The following SRP72 variants were observed in gnomAD, a reference collection of about 807,000 sequenced individuals.
SRP72 encodes the protein signal recognition particle subunit SRP72.
SRP72 carries 49 observed loss-of-function variants against 96.3 expected under a neutral mutation model. The observed-to-expected ratio is 0.51, with a 90% CI of 0.40 to 0.65. The LOEUF (loss-of-function observed/expected upper bound fraction) is 0.65. Among genes scored for constraint, SRP72 ranks in the 30% least tolerant of loss-of-function variants. The pLI is 0.00. For missense variants in SRP72, 736 were observed against 793.3 expected, an observed-to-expected ratio of 0.93 and a Z score of 0.87; for synonymous variants, 267 against 275.2, an observed-to-expected ratio of 0.97 and a Z score of 0.30.
At chr4:56,467,853 C>T in intron 1 of SRP72, 109 bp downstream of exon 1, 7 of 1,065,008 alleles carry the variant, frequency 6.6e-6, no homozygotes, top group Non-Finnish European at 7.6e-6. Context: ...GGGAGACCCC[C>T]GAAACCCCCC....
rs188401498 is a variant in SRP72, at chr4:56,482,305, A to T, written c.826-834A>T. ...AAATACAAAAAAAAAAAAATTAGCC[A>T]GGCATGGTGGCGGGCACCTGTAGTC... is the stretch of plus-strand genomic sequence containing the variant. On this transcript the variant is annotated intron_variant, in intron 8 of 18. Transcript: ENST00000642900. 4.0e-3 allele frequency among the ~76,000 whole-genome samples: 601 copies of T among 150,618 alleles called. 3 individuals carry two copies. Among genetic ancestry groups the T allele is most frequent in the African/African-American group, 0.014 (565 of 40,938 alleles).
intron 9 of SRP72, 63 bp downstream of exon 9, chr4:56,483,333 G>A: frequency 6.9e-7 from 1 of 1,445,220 alleles, no homozygotes; most frequent in South Asian, 1.3e-5. Context: ...AGGAGTAATA[G>A]GGATATTAGT....
In SRP72 at chr4:56,481,084, A is replaced by T. The variant is rs76406094; in HGVS notation, c.826-2055A>T. Among the ~76,000 whole-genome samples the T allele has an allele frequency of 6.5e-3, 987 of 152,348 alleles. 17 individuals are homozygous for T. Among genetic ancestry groups the T allele is most frequent in the African/African-American group, 0.023 (940 of 41,584 alleles). ...GGCAGTGACGTGCACAATTAATTGA[A>T]GTATTAAAATTGCGACATGAGAGAA... On this transcript the variant is annotated intron_variant, in intron 8 of 18. Transcript: ENST00000642900.
chr4:56,490,263 T>C (rs1720860744), intron 13 of SRP72, 70 bp from the exon 14 acceptor site: 1 of 1,214,784 alleles, frequency 8.2e-7, no homozygotes, highest in Admixed American at 2.1e-5. Context: ...AAAGGTCTAA[T>C]GAATATAACT....
intron 9 of SRP72, among the ~76,000 whole-genome samples, 171 bp downstream of exon 9, chr4:56,483,441 A>G (rs1420184599): frequency 3.9e-5 from 6 of 152,134 alleles, no homozygotes; most frequent in Admixed American, 3.9e-4. Context: ...GGCTGGGCAC[A>G]ATGGCTCATG....
rs116146146 is a variant in SRP72, at chr4:56,495,849, A to T, written c.1678+455A>T. 4.5e-3 allele frequency among the ~76,000 whole-genome samples: 679 copies of T among 152,348 alleles called. 7 individuals carry two copies. Among genetic ancestry groups the T allele is most frequent in the African/African-American group, 0.016 (653 of 41,582 alleles). ...GTTGGCAGTCTAGAGGAATGTTAGC[A>T]TCAAGGTTGGTTGACTCAGTATTTT... On this transcript the variant is annotated intron_variant, in intron 17 of 18. Coordinates refer to ENST00000642900, the MANE Select transcript of SRP72 (RefSeq NM_006947.4).
intron 16 of SRP72, 177 bp from the exon 17 acceptor site, chr4:56,495,180 G>T: frequency 2.5e-6 from 1 of 401,506 alleles, no homozygotes; most frequent in Non-Finnish European, 4.6e-6. Flanking sequence ...AGTATCTGAA[G>T]CTTAATTGAC....
At chr4:56,487,506 T>C (rs1720755229) in intron 11 of SRP72, among the ~76,000 whole-genome samples, 1 of 152,144 alleles carries the variant, frequency 6.6e-6, no homozygotes, top group Non-Finnish European at 1.5e-5. Context: ...GACTGGGAAT[T>C]TTGAGTTATT....
At chr4:56,468,758 C>T (rs1430491729) in intron 1 of SRP72, among the ~76,000 whole-genome samples, 1 of 152,088 alleles carries the variant, frequency 6.6e-6, no homozygotes, top group African/African-American at 2.4e-5. Context: ...TTATTTGATC[C>T]CTAAATTTGT....
chr4:56,473,239 C>G (rs928215623), intron 3 of SRP72, among the ~76,000 whole-genome samples: 2 of 152,036 alleles, frequency 1.3e-5, no homozygotes, highest in Non-Finnish European at 2.9e-5. Context: ...GCGGGCGGAT[C>G]ATGAGGTCAG....
intron 10 of SRP72, 32 bp downstream of exon 10, chr4:56,484,896 A>G: frequency 6.3e-7 from 1 of 1,597,072 alleles, no homozygotes; most frequent in South Asian, 1.1e-5. Flanking sequence ...GGTGTCAGAC[A>G]TTTGCAGCTT....
At chr4:56,489,702 T>C (rs552161465) in intron 13 of SRP72, among the ~76,000 whole-genome samples, 1 of 152,358 alleles carries the variant, frequency 6.6e-6, no homozygotes, top group African/African-American at 2.4e-5. Context: ...TTTATATTTA[T>C]TGAAGCTCCT....
intron 17 of SRP72, among the ~76,000 whole-genome samples, chr4:56,497,249 T>G (rs1223241217): frequency 6.6e-6 from 1 of 151,270 alleles, no homozygotes; most frequent in Non-Finnish European, 1.5e-5. Context: ...AGACCGCGTC[T>G]TGCTCTGTTG....
Position 56,481,727 on chromosome 4 carries a change from A to G in SRP72, c.826-1412A>G, listed in dbSNP as rs76617525. On this transcript the variant is annotated intron_variant, in intron 8 of 18. Coordinates refer to ENST00000642900, the MANE Select transcript of SRP72 (RefSeq NM_006947.4). ...CACTTTGTAAGTTTTTCACATATTG[A>G]AGGTTTGTGGCAACTCTGTGTTGAG... is the stretch of plus-strand genomic sequence containing the variant. Among the ~76,000 whole-genome samples, 174 of 150,444 alleles carry G rather than the reference A, an allele frequency of 1.2e-3. 3 individuals carry two copies. The East Asian group carries it at 0.028, about 25-fold the overall frequency.
intron 10 of SRP72, 74 bp from the exon 11 acceptor site, chr4:56,486,251 T>G (rs1030769381): frequency 2.0e-6 from 2 of 1,017,908 alleles, no homozygotes; most frequent in Non-Finnish European, 2.8e-6. Flanking sequence ...CTTATGTAGC[T>G]AAGTAATTGT....
chr4:56,469,367 CTTT>C (rs1470615552), intron 1 of SRP72, among the ~76,000 whole-genome samples: 1 of 152,102 alleles, frequency 6.6e-6, no homozygotes, highest in African/African-American at 2.4e-5. Flanking sequence ...CTTCTTTCTT[CTTT>C]ATTTCACTGC....
Position 56,471,804 on chromosome 4 carries a change from C to T in SRP72, c.315C>T (p.Asn105=). 3.7e-6 allele frequency: 6 copies of T among 1,613,896 alleles called. No homozygotes were observed. Among genetic ancestry groups the T allele is most frequent in the Non-Finnish European group, 5.1e-6 (6 of 1,179,934 alleles). ...CCTTGAAGACAATAGAAAGTGCCAA[C>T]CAGCAGACAGACAAACTGAAGGAGC... is the stretch of plus-strand genomic sequence containing the variant. ...ENALKTIESA[N]QQTDKLKELY... is the part of the protein sequence containing the mutation. Residue 105 remains asparagine (N), a synonymous_variant, in exon 3 of 19, where the codon AAC becomes AAT. Coordinates refer to ENST00000642900, the MANE Select transcript of SRP72 (RefSeq NM_006947.4).
chr4:56,480,276 T>C (rs1184581547), intron 8 of SRP72, among the ~76,000 whole-genome samples: 2 of 152,146 alleles, frequency 1.3e-5, no homozygotes, highest in African/African-American at 2.4e-5. Flanking sequence ...AATTTTTTTT[T>C]CCCCCAAGAT....
chr4:56,488,149 C>T (rs1720783740), intron 12 of SRP72, 136 bp downstream of exon 12: 1 of 600,212 alleles, frequency 1.7e-6, no homozygotes, highest in Non-Finnish European at 2.8e-6. Flanking sequence ...TAATAGTTGT[C>T]TGGTATAAAT....
Sources: gnomAD v4.1 joint callset for allele counts (sites outside exome capture counted in the v4.1 genomes callset) on GRCh38, gnomAD v4.1.1 for gene constraint, MANE v1.5 for transcripts, NCBI Gene and HGNC (gene_info 2026-07-23, HGNC 2026-07-21) for gene names.